The following ADIPOR2 variants were observed in gnomAD, a reference collection of about 807,000 sequenced individuals.
ADIPOR2 encodes the protein adiponectin receptor 2.
Under a neutral mutation model 40.9 loss-of-function variants are expected in ADIPOR2, and 18 were observed. The observed-to-expected ratio is 0.44, with a 90% CI of 0.30 to 0.65. The LOEUF (loss-of-function observed/expected upper bound fraction) is 0.65. Ranked by LOEUF, ADIPOR2 falls within the 30% of genes least tolerant of loss-of-function variation. The pLI is 0.09. For synonymous variants in ADIPOR2, 165 were observed against 166.4 expected, an observed-to-expected ratio of 0.99 and a Z score of 0.06; for missense variants, 283 against 479.2, an observed-to-expected ratio of 0.59 and a Z score of 3.82.
Position 1,778,287 on chromosome 12 carries a change from A to G in ADIPOR2, c.463+262A>G. The G allele has an allele frequency of 6.1e-6, 2 of 329,820 alleles. 1 individual carries two copies. 20.4% of individuals were successfully genotyped at this position (329,820 alleles called of 1,614,324 possible). On this transcript the variant is annotated intron_variant, in intron 4 of 7. Transcript: ENST00000357103. ...AACCAGGCCAAGTAAAAGTTGCTAT[A>G]CAAAATGTGGTTTCATATTGTAGTG... is the stretch of plus-strand genomic sequence containing the variant.
chr12:1,747,421 G>A (rs2094758023), intron 1 of ADIPOR2, among the ~76,000 whole-genome samples: 1 of 152,178 alleles, frequency 6.6e-6, no homozygotes, highest in Non-Finnish European at 1.5e-5. Flanking sequence ...CTTAGGGGTT[G>A]CAATATATAT....
chr12:1,728,585 G>C (rs571001275), intron 1 of ADIPOR2, among the ~76,000 whole-genome samples: 1 of 151,824 alleles, frequency 6.6e-6, no homozygotes, highest in Non-Finnish European at 1.5e-5. Flanking sequence ...TTAGCCGGGC[G>C]TGGTGGTGGG....
At chr12:1,736,443 ACCCCTGTATCACAAT>A (rs2094730896) in intron 1 of ADIPOR2, among the ~76,000 whole-genome samples, 1 of 151,964 alleles carries the variant, frequency 6.6e-6, no homozygotes, top group Non-Finnish European at 1.5e-5. Flanking sequence ...TGGTATCACC[ACCCCTGTATCACAAT>A]CCCCTGTATC....
chr12:1,742,267 A>AT, intron 1 of ADIPOR2, among the ~76,000 whole-genome samples: 1 of 152,234 alleles, frequency 6.6e-6, no homozygotes, highest in African/African-American at 2.4e-5. Flanking sequence ...TTATTTTTGC[A>AT]TTTTTTGTAG....
At chr12:1,705,724 T>C (rs1213946490) in intron 1 of ADIPOR2, among the ~76,000 whole-genome samples, 4 of 152,216 alleles carry the variant, frequency 2.6e-5, no homozygotes, top group African/African-American at 4.8e-5. Flanking sequence ...CGTTGTAATA[T>C]GGCTGTAAAA....
chr12:1,695,011 G>GTTTTTTTTTTTTTTTTT (rs199627849), intron 1 of ADIPOR2, among the ~76,000 whole-genome samples: 2 of 128,312 alleles, frequency 1.6e-5, no homozygotes, highest in African/African-American at 2.7e-5. Context: ...TTGTGTTGCA[G>GTTTTTTTTTTTTTTTTT]TTTTTTTTTT....
chr12:1,786,112 C>T lies in ADIPOR2; in HGVS notation c.*40C>T. 3 of 1,593,038 alleles carry T rather than the reference C, an allele frequency of 1.9e-6. No homozygotes were observed. Among genetic ancestry groups the T allele is most frequent in the Non-Finnish European group, 2.6e-6 (3 of 1,171,094 alleles). ...CAGGGACTATGACCCTAAACCAGGG[C>T]CTGCGGCACTTGCGGGCCTCCCTGC... On this transcript the variant is annotated 3_prime_UTR_variant, in exon 8 of 8. Transcript: ENST00000357103.
At chr12:1,757,713 G>A in intron 2 of ADIPOR2, 1 of 1,315,162 alleles carries the variant, frequency 7.6e-7, no homozygotes, top group Non-Finnish European at 1.1e-6. Context: ...TGTCATAGAT[G>A]AGACGGAAAT....
intron 1 of ADIPOR2, among the ~76,000 whole-genome samples, chr12:1,742,159 C>G (rs2094744291): frequency 6.6e-6 from 1 of 152,220 alleles, no homozygotes; most frequent in South Asian, 2.1e-4. Flanking sequence ...GTGGTGCGAT[C>G]ACAGCTGCTT....
intron 1 of ADIPOR2, among the ~76,000 whole-genome samples, chr12:1,699,897 A>G (rs1328327146): frequency 1.3e-5 from 2 of 152,178 alleles, no homozygotes; most frequent in Admixed American, 6.5e-5. Context: ...CATGTGTTAG[A>G]AGGGGATATA....
intron 7 of ADIPOR2, among the ~76,000 whole-genome samples, chr12:1,785,223 C>T (rs1208303896): frequency 1.3e-5 from 2 of 152,124 alleles, no homozygotes; most frequent in East Asian, 3.8e-4. Flanking sequence ...TTTTGAAGTG[C>T]AGCGAGCAAT....
chr12:1,750,043 G>A (rs1018374474), intron 1 of ADIPOR2, among the ~76,000 whole-genome samples: 1 of 151,640 alleles, frequency 6.6e-6, no homozygotes, highest in African/African-American at 2.4e-5. Context: ...TTGTTGCCCA[G>A]GCTGGTCTCA....
At chr12:1,691,852 C>T (rs557598201) in intron 1 of ADIPOR2, among the ~76,000 whole-genome samples, 139 of 152,238 alleles carry the variant, frequency 9.1e-4, no homozygotes, top group African/African-American at 3.2e-3. Flanking sequence ...TTTTTTCCTC[C>T]TGGCTTTTGA....
chr12:1,702,148 C>A (rs1485430857), intron 1 of ADIPOR2, among the ~76,000 whole-genome samples: 1 of 145,868 alleles, frequency 6.9e-6, no homozygotes, highest in Non-Finnish European at 1.5e-5. Context: ...ACAGAAAAAA[C>A]CCCACATGTC....
At chr12:1,722,263 A>C (rs2154442184) in intron 1 of ADIPOR2, among the ~76,000 whole-genome samples, 1 of 152,328 alleles carries the variant, frequency 6.6e-6, no homozygotes, top group Non-Finnish European at 1.5e-5. Flanking sequence ...AAATCCTAGG[A>C]CTTGAGCACT....
In ADIPOR2 at chr12:1,733,698, C is replaced by T. The variant is rs529936505; in HGVS notation, c.-86-20560C>T. ...TGTGTACATGTGCCATGTTGGTGTG[C>T]TGCATCTATTAACTAATCATTTAAC... On this transcript the variant is annotated intron_variant, in intron 1 of 7. Coordinates refer to ENST00000357103, the MANE Select transcript of ADIPOR2 (RefSeq NM_024551.3). Among the ~76,000 whole-genome samples, 3 of 152,046 alleles carry T rather than the reference C, an allele frequency of 2.0e-5. No homozygotes were observed. In the East Asian group the frequency reaches 5.8e-4, roughly 29 times the overall value.
chr12:1,754,695 A>AC (rs112933502), intron 2 of ADIPOR2, among the ~76,000 whole-genome samples, 181 bp downstream of exon 2: 20 of 70,500 alleles, frequency 2.8e-4, no homozygotes, highest in African/African-American at 6.9e-4. Flanking sequence ...CTTTATTATT[A>AC]TTATTACTAC....
At chr12:1,745,302 A>G (rs959361396) in intron 1 of ADIPOR2, among the ~76,000 whole-genome samples, 3 of 152,154 alleles carry the variant, frequency 2.0e-5, no homozygotes, top group African/African-American at 7.2e-5. Context: ...AAAATTTTTC[A>G]AAGAAATTCC....
chr12:1,708,346 A>G (rs997845768), intron 1 of ADIPOR2, among the ~76,000 whole-genome samples: 3 of 152,060 alleles, frequency 2.0e-5, no homozygotes, highest in African/African-American at 7.2e-5. Context: ...TCATTTTCTT[A>G]ACAGTCTTTG....
Sources: gnomAD v4.1 joint callset for allele counts (sites outside exome capture counted in the v4.1 genomes callset) on GRCh38, gnomAD v4.1.1 for gene constraint, MANE v1.5 for transcripts, NCBI Gene and HGNC (gene_info 2026-07-23, HGNC 2026-07-21) for gene names.